PIEZO1: variants seen among roughly 807,000 people sequenced by gnomAD.
The protein encoded by PIEZO1 is piezo type mechanosensitive ion channel component 1 (Er blood group).
Under a neutral mutation model 297.2 loss-of-function variants are expected in PIEZO1, and 296 were observed. That is an observed-to-expected ratio of 1.00 (90% confidence interval 0.91 to 1.10). The LOEUF (loss-of-function observed/expected upper bound fraction) is 1.10. PIEZO1 is among the 50% of genes least tolerant of loss of function. The pLI is 0.00. For missense variants in PIEZO1, 5,018 were observed against 3,455.5 expected (o/e 1.45, Z -11.34); for synonymous variants, 2,427 against 1,507.5 (o/e 1.61, Z -14.13).
At chr16:88,743,232 C>A (rs905281343) in intron 2 of PIEZO1, 2 of 456,400 alleles carry the variant, frequency 4.4e-6, no homozygotes, top group Non-Finnish European at 8.8e-6. Context: ...ACTCAGGAGC[C>A]CTGGCTTCAC....
At chr16:88,737,430 G>A in intron 10 of PIEZO1, 129 bp downstream of exon 10, 1 of 638,762 alleles carries the variant, frequency 1.6e-6, no homozygotes, top group Non-Finnish European at 2.6e-6. Flanking sequence ...GATGTCCTGG[G>A]CCCCCGAGGG....
chr16:88,720,825 G>C lies in PIEZO1; in HGVS notation c.5669-77C>G, dbSNP rs1912387133. ...TCATGGCTCCTGACCACCCTAAGAGGCTGGCATTCTCCCTGTTTGACAGAC... is the reference window on the plus strand; with the variant it reads ...TCATGGCTCCTGACCACCCTAAGAGCCTGGCATTCTCCCTGTTTGACAGAC... On this transcript the variant is annotated intron_variant, in intron 39 of 50. Coordinates refer to ENST00000301015, the MANE Select transcript of PIEZO1 (RefSeq NM_001142864.4). 15 of 1,393,990 alleles carry C rather than the reference G, an allele frequency of 1.1e-5. No homozygotes were observed. In the South Asian group the frequency reaches 2.3e-4, roughly 21 times the overall value. The allele number at this position is 1,393,990 out of a possible 1,614,324, so 86.4% of individuals were successfully genotyped here.
intron 2 of PIEZO1, among the ~76,000 whole-genome samples, chr16:88,748,669 AG>A (rs1393887828): frequency 6.6e-6 from 1 of 152,164 alleles, no homozygotes; most frequent in African/African-American, 2.4e-5. Flanking sequence ...TGGCCTCCCA[AG>A]GGACACAGAG....
intron 2 of PIEZO1, among the ~76,000 whole-genome samples, chr16:88,748,498 C>T (rs989351218): frequency 6.6e-6 from 1 of 151,626 alleles, no homozygotes; most frequent in African/African-American, 2.4e-5. Context: ...TCCCCCCCCC[C>T]CCCGCACAAG....
At position 88,733,308 on chromosome 16, in the gene PIEZO1, G is replaced by T; in HGVS notation, c.2634C>A (p.Asn878Lys). The change falls in exon 19 of 51, where the codon AAC (asparagine) becomes AAA (lysine). Residue 878 changes from asparagine (N) to lysine (K), a missense_variant. Coordinates refer to ENST00000301015, the MANE Select transcript of PIEZO1 (RefSeq NM_001142864.4). Reference sequence around the variant, plus strand: ...TGCAGTTGCTGGAATACTCCTGGGGGTTGACAACCTTGAGCTGGTACAGCA... The same window carrying T: ...TGCAGTTGCTGGAATACTCCTGGGGTTTGACAACCTTGAGCTGGTACAGCA... ...CKMLYQLKVV[N>K]PQEYSSNCTE... 1 of 1,548,488 alleles carries T rather than the reference G, an allele frequency of 6.5e-7. No individual in the cohort carries two copies. The highest frequency in any genetic ancestry group is 1.2e-5 in the South Asian group (1 of 84,050).
intron 12 of PIEZO1, 29 bp from the exon 13 acceptor site, chr16:88,735,275 G>T: frequency 6.7e-7 from 1 of 1,481,552 alleles, no homozygotes; most frequent in Non-Finnish European, 9.2e-7. Context: ...GTCACAGTCA[G>T]CCGGGGGGCC....
rs1008769051 is a variant in PIEZO1, at chr16:88,732,502, C to T, written c.2824G>A (p.Glu942Lys). The change falls in exon 21 of 51, where the codon GAG becomes AAG. Residue 942 changes from glutamate (E) to lysine (K), a missense_variant. Coordinates refer to ENST00000301015, the MANE Select transcript of PIEZO1 (RefSeq NM_001142864.4). ...HLQVLLLLVFEAIVYRRQEHY... is the reference protein window; with the variant it reads ...HLQVLLLLVFKAIVYRRQEHY... ...TCCTGGCGCCGGTACACGATGGCCTCGAATACCAGCAGCAGCAGCACTTGC... is the reference window on the plus strand; with the variant it reads ...TCCTGGCGCCGGTACACGATGGCCTTGAATACCAGCAGCAGCAGCACTTGC... 3.2e-6 allele frequency: 5 copies of T among 1,547,914 alleles called. No homozygotes were observed. Among genetic ancestry groups the T allele is most frequent in the East Asian group, 2.4e-5 (1 of 40,838 alleles).
intron 1 of PIEZO1, among the ~76,000 whole-genome samples, chr16:88,777,071 C>G (rs955488624): frequency 6.6e-6 from 1 of 152,208 alleles, no homozygotes; most frequent in Non-Finnish European, 1.5e-5. Context: ...CTCCCGGATT[C>G]AAGTGATTCT....
intron 21 of PIEZO1, among the ~76,000 whole-genome samples, 155 bp from the exon 22 acceptor site, chr16:88,732,065 G>A (rs1904883739): frequency 8.2e-6 from 1 of 121,796 alleles, no homozygotes; most frequent in Non-Finnish European, 1.8e-5. Context: ...AAGAGGGCAG[G>A]AGTGGCTGGC....
chr16:88,724,553 G>A (rs1291815982), intron 30 of PIEZO1, among the ~76,000 whole-genome samples: 1 of 150,378 alleles, frequency 6.6e-6, no homozygotes, highest in Non-Finnish European at 1.5e-5. Context: ...AAAAAGGCCT[G>A]GAGTGGGGCA....
chr16:88,731,300 G>C (rs946296083), intron 22 of PIEZO1: 3 of 226,242 alleles, frequency 1.3e-5, no homozygotes, highest in Non-Finnish European at 2.6e-5. Flanking sequence ...CCAGGAGACG[G>C]GACCACGGGT....
Position 88,723,886 on chromosome 16 carries a change from T to C in PIEZO1, c.4320A>G (p.Ala1440=). 1 of 1,541,764 alleles carries C rather than the reference T, an allele frequency of 6.5e-7. No individual in the cohort carries two copies. Among genetic ancestry groups the C allele is most frequent in the Non-Finnish European group, 8.8e-7 (1 of 1,139,054 alleles). The change falls in exon 31 of 51, where the codon GCA becomes GCG. Residue 1440 remains alanine (A), a synonymous_variant. Transcript: ENST00000301015. ...EAVPEDPRPS[A]QSAFQLAYQA... ...CCCACCTCACCTGGAAGGCACTCTGTGCCGACGGCCTCGGGTCTTCAGGAA... is the reference window on the plus strand; with the variant it reads ...CCCACCTCACCTGGAAGGCACTCTGCGCCGACGGCCTCGGGTCTTCAGGAA...
chr16:88,732,578 C>T (rs1597455702), intron 20 of PIEZO1, 29 bp downstream of exon 20: 10 of 1,543,114 alleles, frequency 6.5e-6, no homozygotes, highest in South Asian at 4.8e-5. Context: ...TACTCGCCCG[C>T]CCAGCCGCCC....
rs919896856 is a variant in PIEZO1 at position 88,726,852 on chromosome 16, C to A, written c.3562G>T (p.Gly1188Cys). Reference protein sequence around the residue: ...GATRISIFGLGYLLACFYLLL... With the variant: ...GATRISIFGLCYLLACFYLLL... ...AGGTAGAAGCAGGCCAGCAGGTAGCCCAGCCCGAAGATGCTGATGCGGGTG... is the reference window on the plus strand; with the variant it reads ...AGGTAGAAGCAGGCCAGCAGGTAGCACAGCCCGAAGATGCTGATGCGGGTG... Residue 1188 changes from glycine to cysteine, a missense_variant, in exon 25 of 51, where the codon GGC becomes TGC. Physicochemically the swap from Gly to Cys is radical, Grantham distance 159. Coordinates refer to ENST00000301015, the MANE Select transcript of PIEZO1 (RefSeq NM_001142864.4). 2.4e-5 allele frequency: 37 copies of A among 1,550,266 alleles called. No homozygotes were observed. Among genetic ancestry groups the A allele is most frequent in the Non-Finnish European group, 3.1e-5 (35 of 1,146,942 alleles).
In PIEZO1 at chr16:88,723,289, G is replaced by C. The variant is rs1314286963; in HGVS notation, c.4375C>G (p.Leu1459Val). Residue 1459 changes from leucine (L) to valine (V), a missense_variant, in exon 32 of 51, where the codon CTG (leucine) becomes GTG (valine). Transcript: ENST00000301015. Reference sequence around the variant, plus strand: ...TCCTGCTCCTGCTGCCGCCGCCTCAGCACCGCCTGGGCGTTGGTCACCCAT... The same window carrying C: ...TCCTGCTCCTGCTGCCGCCGCCTCACCACCGCCTGGGCGTTGGTCACCCAT... ...QAWVTNAQAV[L>V]RRRQQEQEQA... 1 of 1,540,666 alleles carries C rather than the reference G, an allele frequency of 6.5e-7. No individual in the cohort carries two copies. Among genetic ancestry groups the C allele is most frequent in the African/African-American group, 1.4e-5 (1 of 73,050 alleles).
chr16:88,752,461 G>A (rs114652610), intron 1 of PIEZO1, among the ~76,000 whole-genome samples: 2,263 of 152,342 alleles, frequency 0.015, 53 homozygotes, highest in African/African-American at 0.051. Context: ...CAGCCTGGGC[G>A]ACAGGGTGAG....
In PIEZO1 at chr16:88,738,259, C is replaced by T. The variant is rs916730873; in HGVS notation, c.816G>A (p.Gln272=). Reference sequence around the variant, plus strand: ...AGATGCCGGCAGGCGGGAGCAGAGCCTGTGCCAAGGGCATCTGGTAGCAGT... The same window carrying T: ...AGATGCCGGCAGGCGGGAGCAGAGCTTGTGCCAAGGGCATCTGGTAGCAGT... ...CLYCYQMPLA[Q]ALLPPAGIWA... is the part of the protein sequence containing the mutation. Residue 272 remains glutamine, a synonymous_variant, in exon 7 of 51, where the codon CAG becomes CAA. Transcript: ENST00000301015. 5.7e-5 allele frequency: 88 copies of T among 1,535,772 alleles called. No individual in the cohort carries two copies. Among genetic ancestry groups the T allele is most frequent in the African/African-American group, 1.6e-4 (12 of 73,056 alleles).
chr16:88,758,665 T>C (rs758805595), intron 1 of PIEZO1, among the ~76,000 whole-genome samples: 10 of 152,218 alleles, frequency 6.6e-5, no homozygotes, highest in Non-Finnish European at 1.3e-4. Flanking sequence ...CTGTGGGTCG[T>C]GTCTGTATGT....
In PIEZO1 at chr16:88,734,044, C is replaced by T. The variant is rs1422175785; in HGVS notation, c.2191G>A (p.Val731Met). 2.6e-6 allele frequency: 4 copies of T among 1,524,454 alleles called. No homozygotes were observed. The Admixed American group carries it at 8.5e-5, about 32-fold the overall frequency. The allele number at this position is 1,524,454 out of a possible 1,614,324, so 94.4% of individuals were successfully genotyped here. A position where few individuals can be genotyped will look rare whatever the true frequency, so the allele number is the denominator to read the frequency against. ...LPRWAHRQDA[V>M]SGTPLLREEQ... is the part of the protein sequence containing the mutation. ...TCCCGCAGCAGTGGGGTCCCACTCA[C>T]TGCATCCTGCCTGGGAGAGGGTCCG... Residue 731 changes from valine to methionine, a missense_variant, in exon 17 of 51, where the codon GTG (valine) becomes ATG (methionine). Transcript: ENST00000301015.
Sources: allele counts gnomAD v4.1 joint callset (sites outside exome capture counted in the v4.1 genomes callset), GRCh38; gene constraint gnomAD v4.1.1; transcripts MANE v1.5; gene names NCBI Gene and HGNC (gene_info 2026-07-23, HGNC 2026-07-21).